Variants in CTNNA3 observed in about 807,000 individuals in gnomAD.
The protein encoded by CTNNA3 is catenin alpha-3.
A neutral mutation model predicts 95.7 loss-of-function variants in CTNNA3; 76 were observed. The ratio of observed to expected loss-of-function variants is 0.79; its 90% CI spans 0.66 to 0.96. The LOEUF (loss-of-function observed/expected upper bound fraction) is 0.96. Ranked by LOEUF, CTNNA3 falls within the 40% of genes least tolerant of loss-of-function variation. The pLI, the probability that CTNNA3 is intolerant of heterozygous loss-of-function variation, is 0.00. For synonymous variants in CTNNA3, 431 were observed against 374.4 expected (o/e 1.15, Z -1.74); for missense variants, 1,191 against 1,089.8 (o/e 1.09, Z -1.31).
At chr10:66,385,025 A>G (rs1431816624) in intron 11 of CTNNA3, among the ~76,000 whole-genome samples, 2 of 152,214 alleles carry the variant, frequency 1.3e-5, no homozygotes, top group Non-Finnish European at 2.9e-5. Flanking sequence ...CATCACAATT[A>G]AAAGAACTAG....
chr10:66,083,435 A>T (rs1046511040), intron 14 of CTNNA3, among the ~76,000 whole-genome samples: 3 of 151,908 alleles, frequency 2.0e-5, no homozygotes, highest in African/African-American at 7.3e-5. Context: ...CATTGCCACA[A>T]CCTCCTTGGT....
chr10:66,803,275 T>A (rs945222930), intron 7 of CTNNA3, among the ~76,000 whole-genome samples: 3 of 152,038 alleles, frequency 2.0e-5, no homozygotes, highest in African/African-American at 7.2e-5. Context: ...TCCGCCGTCA[T>A]CAACTACTTA....
chr10:67,488,175 G>A (rs893363096), intron 5 of CTNNA3, among the ~76,000 whole-genome samples: 7 of 152,054 alleles, frequency 4.6e-5, no homozygotes, highest in Non-Finnish European at 2.9e-5. Flanking sequence ...GGGAAAGACA[G>A]GAAATGAAAA....
intron 5 of CTNNA3, among the ~76,000 whole-genome samples, chr10:67,321,043 A>T (rs557461959): frequency 6.6e-6 from 1 of 152,310 alleles, no homozygotes; most frequent in East Asian, 1.9e-4. Flanking sequence ...TTTTGGTTCC[A>T]TTAAAACCTG....
intron 12 of CTNNA3, among the ~76,000 whole-genome samples, chr10:66,328,911 C>CATATATAT (rs1554935009): frequency 0.024 from 2,104 of 86,304 alleles, 106 homozygotes; most frequent in African/African-American, 0.068. Flanking sequence ...CACATATATA[C>CATATATAT]ATATATATAT....
chr10:67,274,913 A>G (rs1351105884), intron 5 of CTNNA3, among the ~76,000 whole-genome samples: 1 of 152,206 alleles, frequency 6.6e-6, no homozygotes, highest in African/African-American at 2.4e-5. Flanking sequence ...GAACAAATAT[A>G]GAATCATTAG....
At chr10:65,925,771 A>G (rs951708621) in intron 17 of CTNNA3, among the ~76,000 whole-genome samples, 1 of 151,978 alleles carries the variant, frequency 6.6e-6, no homozygotes, top group African/African-American at 2.4e-5. Flanking sequence ...ATTCCTTTCT[A>G]CTGACTTTTT....
Position 67,682,040 on chromosome 10 carries a change from C to T in CTNNA3, c.-6+13960G>A, listed in dbSNP as rs920111168. 5.3e-5 allele frequency among the ~76,000 whole-genome samples: 8 copies of T among 152,020 alleles called. No homozygotes were observed. The East Asian group carries it at 1.4e-3, about 26-fold the overall frequency. ...AGGCGTGGTGGTGGGCACCCGTAAT[C>T]GCAGCTACTCGGGAGGCTGAGGCAG... On this transcript the variant is annotated intron_variant, in intron 1 of 17. Coordinates refer to ENST00000433211, the MANE Select transcript of CTNNA3 (RefSeq NM_013266.4).
chr10:66,383,713 A>G (rs2092862536), intron 11 of CTNNA3, among the ~76,000 whole-genome samples: 1 of 152,196 alleles, frequency 6.6e-6, no homozygotes, highest in South Asian at 2.1e-4. Context: ...TGAGTTACCC[A>G]CAAAGGGAAG....
chr10:67,710,365 T>C (rs893069974), intron 1 of CTNNA3, among the ~76,000 whole-genome samples: 2 of 152,198 alleles, frequency 1.3e-5, no homozygotes, highest in Non-Finnish European at 2.9e-5. Context: ...CCATATCCTA[T>C]AGTGAAGGAA....
chr10:66,227,935 C>T (rs2089399928), intron 13 of CTNNA3, among the ~76,000 whole-genome samples: 1 of 152,064 alleles, frequency 6.6e-6, no homozygotes, highest in African/African-American at 2.4e-5. Context: ...TTCATTTCCT[C>T]TAGGTTTTCC....
At chr10:67,268,161 G>A (rs2132409140) in intron 5 of CTNNA3, among the ~76,000 whole-genome samples, 1 of 151,958 alleles carries the variant, frequency 6.6e-6, no homozygotes, top group South Asian at 2.1e-4. Flanking sequence ...TTTATCTCCT[G>A]GTAGAATCAA....
intron 13 of CTNNA3, among the ~76,000 whole-genome samples, chr10:66,247,354 T>A (rs2090375742): frequency 6.6e-6 from 1 of 152,160 alleles, no homozygotes; most frequent in African/African-American, 2.4e-5. Context: ...GCCTGGGGTT[T>A]AGGGGAATTT....
intron 14 of CTNNA3, among the ~76,000 whole-genome samples, chr10:66,080,566 C>T (rs1465429496): frequency 6.6e-6 from 1 of 152,124 alleles, no homozygotes; most frequent in East Asian, 1.9e-4. Context: ...TTTACATCAA[C>T]AACCAAAGCC....
intron 3 of CTNNA3, among the ~76,000 whole-genome samples, chr10:67,601,203 G>A (rs574184755): frequency 6.6e-6 from 1 of 152,244 alleles, no homozygotes; most frequent in Admixed American, 6.5e-5. Flanking sequence ...AACCACTTGT[G>A]TGGCTTAGAA....
At chr10:67,019,375 C>A (rs1455951842) in intron 7 of CTNNA3, among the ~76,000 whole-genome samples, 1 of 152,184 alleles carries the variant, frequency 6.6e-6, no homozygotes, top group East Asian at 1.9e-4. Context: ...TGTGCCACCA[C>A]GCCAGGCTAA....
chr10:67,382,869 G>T (rs769240484), intron 5 of CTNNA3, among the ~76,000 whole-genome samples: 1 of 152,068 alleles, frequency 6.6e-6, no homozygotes, highest in Non-Finnish European at 1.5e-5. Flanking sequence ...TAAACAGTCA[G>T]ATTTCATGTG....
intron 11 of CTNNA3, among the ~76,000 whole-genome samples, chr10:66,460,578 C>T (rs985333566): frequency 6.6e-6 from 1 of 152,074 alleles, no homozygotes; most frequent in Non-Finnish European, 1.5e-5. Context: ...CACATCCCTG[C>T]AAGTCCCTTT....
At chr10:66,595,585 C>A (rs1414151627) in intron 10 of CTNNA3, among the ~76,000 whole-genome samples, 1 of 152,018 alleles carries the variant, frequency 6.6e-6, no homozygotes, top group African/African-American at 2.4e-5. Context: ...GATCTGCCTG[C>A]CTCAGCCTCC....
Sources: gnomAD v4.1 joint callset for allele counts (sites outside exome capture counted in the v4.1 genomes callset) on GRCh38, gnomAD v4.1.1 for gene constraint, MANE v1.5 for transcripts, NCBI Gene and HGNC (gene_info 2026-07-23, HGNC 2026-07-21) for gene names.